Variants in PXDNL observed in about 807,000 individuals in gnomAD.
PXDNL encodes probable oxidoreductase PXDNL.
A neutral mutation model predicts 150.8 loss-of-function variants in PXDNL; 145 were observed. The ratio of observed to expected loss-of-function variants is 0.96; its 90% CI spans 0.84 to 1.10. The LOEUF is 1.10. Ranked by LOEUF, PXDNL falls within the 50% of genes least tolerant of loss-of-function variation. The pLI is 0.00. For missense variants in PXDNL, 2,087 were observed against 1,873.9 expected, an observed-to-expected ratio of 1.11 and a Z score of -2.10; for synonymous variants, 757 against 725.7, an observed-to-expected ratio of 1.04 and a Z score of -0.69.
intron 19 of PXDNL, among the ~76,000 whole-genome samples, chr8:51,354,558 A>G (rs1806446922): frequency 6.6e-6 from 1 of 152,134 alleles, no homozygotes; most frequent in Non-Finnish European, 1.5e-5. Flanking sequence ...TCAGCTAAAG[A>G]CAGTTCTCAT....
intron 10 of PXDNL, 31 bp downstream of exon 10, chr8:51,453,488 A>G: frequency 2.5e-6 from 4 of 1,602,896 alleles, no homozygotes; most frequent in Non-Finnish European, 3.4e-6. Context: ...GGCAGGAGGA[A>G]CATTTCAATC....
At chr8:51,639,371 T>C (rs1370524204) in intron 2 of PXDNL, among the ~76,000 whole-genome samples, 1 of 151,646 alleles carries the variant, frequency 6.6e-6, no homozygotes, top group African/African-American at 2.4e-5. Flanking sequence ...CTGAAGGAGA[T>C]ACAGACACAA....
At chr8:51,401,651 G>C (rs979882605) in intron 17 of PXDNL, among the ~76,000 whole-genome samples, 1 of 152,204 alleles carries the variant, frequency 6.6e-6, no homozygotes, top group Non-Finnish European at 1.5e-5. Flanking sequence ...TCCTATGTCT[G>C]AGATGCCAGC....
At chr8:51,702,985 G>A (rs1049127029) in intron 1 of PXDNL, among the ~76,000 whole-genome samples, 1 of 151,902 alleles carries the variant, frequency 6.6e-6, no homozygotes, top group African/African-American at 2.4e-5. Context: ...TTATCATCAC[G>A]TTTCCTCTAT....
intron 1 of PXDNL, among the ~76,000 whole-genome samples, chr8:51,806,880 CA>C (rs1372757127): frequency 6.6e-6 from 1 of 152,146 alleles, no homozygotes; most frequent in African/African-American, 2.4e-5. Flanking sequence ...AGTTGCTATT[CA>C]TCACACAGTA....
chr8:51,453,144 T>C (rs1809847747), intron 10 of PXDNL, among the ~76,000 whole-genome samples: 1 of 152,262 alleles, frequency 6.6e-6, no homozygotes, highest in African/African-American at 2.4e-5. Context: ...CCTCAAGCTC[T>C]GTTGAGTAGA....
intron 2 of PXDNL, among the ~76,000 whole-genome samples, chr8:51,619,567 T>A (rs1357909271): frequency 6.6e-6 from 1 of 152,186 alleles, no homozygotes; most frequent in Non-Finnish European, 1.5e-5. Context: ...CTCATGATAC[T>A]GAGTGAGAGC....
chr8:51,509,800 A>ATATATACACATACGTG (rs2130338378), intron 4 of PXDNL, among the ~76,000 whole-genome samples: 1 of 151,340 alleles, frequency 6.6e-6, no homozygotes, highest in Admixed American at 6.6e-5. Flanking sequence ...ACGTATATGT[A>ATATATACACATACGTG]TATATATACA....
intron 19 of PXDNL, among the ~76,000 whole-genome samples, chr8:51,349,503 A>G (rs760066142): frequency 3.3e-5 from 5 of 152,236 alleles, no homozygotes; most frequent in Admixed American, 2.0e-4. Context: ...CTCTCTGGAT[A>G]CATTGGGTCT....
At chr8:51,771,740 G>A (rs1343853087) in intron 1 of PXDNL, among the ~76,000 whole-genome samples, 4 of 152,168 alleles carry the variant, frequency 2.6e-5, no homozygotes, top group African/African-American at 9.7e-5. Flanking sequence ...GAAAGAGACA[G>A]AGAGACAGAG....
At chr8:51,489,555 C>T (rs1449770190) in intron 5 of PXDNL, among the ~76,000 whole-genome samples, 1 of 152,138 alleles carries the variant, frequency 6.6e-6, no homozygotes, top group Non-Finnish European at 1.5e-5. Context: ...TGGGCTCAAG[C>T]AATCCTCCCA....
At chr8:51,502,267 C>G (rs1199384860) in intron 4 of PXDNL, among the ~76,000 whole-genome samples, 1 of 152,172 alleles carries the variant, frequency 6.6e-6, no homozygotes, top group Non-Finnish European at 1.5e-5. Context: ...TGGGGGGCGG[C>G]CGTGCACAGG....
At chr8:51,499,117 G>A (rs1363320409) in intron 5 of PXDNL, among the ~76,000 whole-genome samples, 1 of 152,060 alleles carries the variant, frequency 6.6e-6, no homozygotes, top group African/African-American at 2.4e-5. Context: ...ACTAGATTCT[G>A]CTGTAAGGTT....
intron 3 of PXDNL, among the ~76,000 whole-genome samples, chr8:51,581,122 C>T (rs1049209288): frequency 3.9e-5 from 6 of 152,020 alleles, no homozygotes; most frequent in Admixed American, 6.6e-5. Context: ...GTGAGAAAAA[C>T]GTCTGGAGGA....
At chr8:51,711,088 C>T (rs1400018036) in intron 1 of PXDNL, among the ~76,000 whole-genome samples, 2 of 152,164 alleles carry the variant, frequency 1.3e-5, no homozygotes, top group Admixed American at 6.5e-5. Flanking sequence ...TCACAGTTTA[C>T]AGATATCATG....
intron 1 of PXDNL, among the ~76,000 whole-genome samples, chr8:51,729,782 T>A (rs1240087509): frequency 6.6e-6 from 1 of 152,024 alleles, no homozygotes; most frequent in Non-Finnish European, 1.5e-5. Context: ...CTGTAGTACA[T>A]CCACACCAGG....
chr8:51,426,810 A>T, intron 12 of PXDNL, 52 bp from the exon 13 acceptor site: 1 of 1,074,762 alleles, frequency 9.3e-7, no homozygotes. Flanking sequence ...ATTTTTGTCA[A>T]CATATGCCAG....
chr8:51,669,083 T>C (rs1211636139), intron 1 of PXDNL, among the ~76,000 whole-genome samples: 3 of 152,210 alleles, frequency 2.0e-5, no homozygotes, highest in African/African-American at 7.2e-5. Context: ...TAATGAATAA[T>C]AATGAATGAA....
chr8:51,399,717 A>G (rs1392028239), intron 17 of PXDNL, among the ~76,000 whole-genome samples: 1 of 152,226 alleles, frequency 6.6e-6, no homozygotes, highest in Non-Finnish European at 1.5e-5. Flanking sequence ...TGTGCATTGT[A>G]CCACATGCCA....
Sources: gnomAD v4.1 joint callset for allele counts (sites outside exome capture counted in the v4.1 genomes callset) on GRCh38, gnomAD v4.1.1 for gene constraint, MANE v1.5 for transcripts, NCBI Gene and HGNC (gene_info 2026-07-23, HGNC 2026-07-21) for gene names.